FAM120B: variants seen among roughly 807,000 people sequenced by gnomAD.
FAM120B encodes the protein family with sequence similarity 120 member B.
Under a neutral mutation model 96.3 loss-of-function variants are expected in FAM120B, and 83 were observed. The observed-to-expected ratio is 0.86, with a 90% CI of 0.72 to 1.03. FAM120B has a LOEUF of 1.03. Among genes scored for constraint, FAM120B ranks in the 50% least tolerant of loss-of-function variants. The pLI is 0.00. For synonymous variants in FAM120B, 407 were observed against 402.7 expected, an observed-to-expected ratio of 1.01 and a Z score of -0.13; for missense variants, 1,027 against 1,121.2, an observed-to-expected ratio of 0.92 and a Z score of 1.20.
upstream of FAM120B, among the ~76,000 whole-genome samples, chr6:170,302,973 A>T (rs1163308980): frequency 6.6e-6 from 1 of 152,184 alleles, no homozygotes; most frequent in Non-Finnish European, 1.5e-5. Flanking sequence ...AGTCATAACA[A>T]TTTTTTAAAG....
At chr6:170,294,672 G>T (rs1223540961), upstream of FAM120B, among the ~76,000 whole-genome samples, 13 of 152,124 alleles carry the variant, frequency 8.5e-5, no homozygotes, top group East Asian at 3.9e-4. This position sits in a 1 kb window ranked among gnomAD's most constrained non-coding sequence, Gnocchi z 7.9. Context: ...CCAAAGAAAG[G>T]TTCTATTCTC....
intron 1 of FAM120B, among the ~76,000 whole-genome samples, chr6:170,300,752 A>C (rs1784123262): frequency 6.6e-6 from 1 of 152,242 alleles, no homozygotes; most frequent in Non-Finnish European, 1.5e-5. Context: ...ATGCAAGTCC[A>C]AAATCCAATA....
upstream of FAM120B, among the ~76,000 whole-genome samples, chr6:170,304,212 G>A (rs906167668): frequency 6.6e-6 from 1 of 152,208 alleles, no homozygotes; most frequent in Non-Finnish European, 1.5e-5. Flanking sequence ...TGAATTCTAT[G>A]TTAGAATTAT....
In FAM120B at chr6:170,399,251, A is replaced by G. The variant is rs867656718; in HGVS notation, c.2692+3672A>G. On this transcript the variant is annotated intron_variant, in intron 9 of 10. Transcript: ENST00000476287. The stretch of plus-strand genomic sequence containing the variant: ...GTCATAACTCTTAGGAGTGAGTGAG[A>G]AAGGTAGAACTATGTCATAACTCTT... Among the ~76,000 whole-genome samples, 1,078 of 143,070 alleles carry G rather than the reference A, an allele frequency of 7.5e-3. 25 individuals are homozygous for G. The highest frequency in any genetic ancestry group is 0.028 in the African/African-American group (1,030 of 36,210). The allele number at this position is 143,070 out of a possible 152,430, so 93.9% of individuals were successfully genotyped here.
chr6:170,304,617 C>T (rs1032257641), upstream of FAM120B, among the ~76,000 whole-genome samples: 1 of 152,156 alleles, frequency 6.6e-6, no homozygotes, highest in African/African-American at 2.4e-5. Flanking sequence ...TGAGCAGTCA[C>T]CTGGTGGGGC....
chr6:170,361,208 A>ACGTG (rs1216103352), intron 6 of FAM120B, among the ~76,000 whole-genome samples: 79 of 79,152 alleles, frequency 1.0e-3, no homozygotes, highest in Non-Finnish European at 1.8e-3. Flanking sequence ...GTATATATAT[A>ACGTG]TATATATATA....
At chr6:170,381,295 G>A (rs557609606) in intron 6 of FAM120B, among the ~76,000 whole-genome samples, 23 of 152,262 alleles carry the variant, frequency 1.5e-4, no homozygotes, top group African/African-American at 4.8e-4. Context: ...AGATGTAGGG[G>A]CCAAATCTCA....
Position 170,321,828 on chromosome 6 carries a change from G to A in FAM120B, c.1735-1251G>A, listed in dbSNP as rs372228878. 2.9e-4 allele frequency among the ~76,000 whole-genome samples: 44 copies of A among 152,296 alleles called. No homozygotes were observed. In the East Asian group the frequency reaches 8.3e-3, roughly 29 times the overall value. On this transcript the variant is annotated intron_variant, in intron 2 of 10. Coordinates refer to ENST00000476287, the MANE Select transcript of FAM120B (RefSeq NM_032448.3). Reference sequence around the variant, plus strand: ...TCAACCCATTTTCTATAGGAAGAAGGTAAGGAACAGAGAGATTAAGACTGA... The same window carrying A: ...TCAACCCATTTTCTATAGGAAGAAGATAAGGAACAGAGAGATTAAGACTGA...
intron 6 of FAM120B, among the ~76,000 whole-genome samples, chr6:170,381,219 T>C (rs1293969196): frequency 6.6e-6 from 1 of 152,160 alleles, no homozygotes; most frequent in Non-Finnish European, 1.5e-5. Flanking sequence ...GGGATATTAC[T>C]ATAGACCCTT....
chr6:170,344,592 C>CT (rs1466634597), intron 4 of FAM120B, among the ~76,000 whole-genome samples: 4 of 152,354 alleles, frequency 2.6e-5, no homozygotes, highest in Admixed American at 2.6e-4. Flanking sequence ...CCTGAGCAGC[C>CT]CCACCTTGGA....
rs77087564 is a variant in FAM120B, at chr6:170,295,998, G to A, written c.48+545G>A. ...CCCCCGCCCCCTCCTCTGCGCCGCG[G>A]CTCCTTCCCCTGGAACCCGCGGATC... On this transcript the variant is annotated intron_variant, in intron 1 of 10. Transcript: ENST00000537664. The surrounding 1 kb of genome is among the most constrained non-coding windows in gnomAD (Gnocchi z 7.8). Among the ~76,000 whole-genome samples the A allele has an allele frequency of 0.11, 17,021 of 152,118 alleles. 1,278 individuals carry two copies. Among genetic ancestry groups the A allele is most frequent in the East Asian group, 0.31 (1,574 of 5,076 alleles).
upstream of FAM120B, among the ~76,000 whole-genome samples, chr6:170,303,392 A>G (rs1784183603): frequency 6.6e-6 from 1 of 152,120 alleles, no homozygotes; most frequent in Admixed American, 6.6e-5. Context: ...GGTGCATGCC[A>G]CCATGCCTGG....
intron 4 of FAM120B, among the ~76,000 whole-genome samples, chr6:170,343,417 TATCTC>T (rs1419803060): frequency 1.3e-5 from 2 of 152,102 alleles, no homozygotes; most frequent in Non-Finnish European, 2.9e-5. Context: ...GGAGGTATCT[TATCTC>T]CTAAATTAGT....
At chr6:170,333,236 G>C (rs1212028731) in intron 4 of FAM120B, among the ~76,000 whole-genome samples, 6 of 142,082 alleles carry the variant, frequency 4.2e-5, no homozygotes, top group African/African-American at 1.3e-4. Flanking sequence ...TGGGGCCTTT[G>C]GGAGGGAAAG....
chr6:170,394,882 G>A (rs922347115), intron 8 of FAM120B, among the ~76,000 whole-genome samples: 6 of 152,264 alleles, frequency 3.9e-5, no homozygotes, highest in African/African-American at 7.2e-5. Flanking sequence ...CACCTGTGGA[G>A]CAGGGACAGT....
At chr6:170,332,255 AATG>A (rs1382777941) in intron 4 of FAM120B, among the ~76,000 whole-genome samples, 1 of 152,246 alleles carries the variant, frequency 6.6e-6, no homozygotes, top group East Asian at 1.9e-4. Flanking sequence ...TATCATCAAT[AATG>A]ATGATAATTC....
chr6:170,380,069 A>G (rs1054078948), intron 6 of FAM120B, among the ~76,000 whole-genome samples: 1 of 152,228 alleles, frequency 6.6e-6, no homozygotes, highest in Non-Finnish European at 1.5e-5. Context: ...GGCGTTTTCA[A>G]GATTCCACAT....
chr6:170,357,160 G>A (rs776956744), intron 5 of FAM120B, among the ~76,000 whole-genome samples: 12 of 152,048 alleles, frequency 7.9e-5, no homozygotes, highest in Admixed American at 1.3e-4. Flanking sequence ...TTCTTTTTCC[G>A]CGAGCCTTTA....
chr6:170,323,162 C>A lies in FAM120B; in HGVS notation c.1818C>A (p.Thr606=), dbSNP rs752163725. Residue 606 remains threonine, a synonymous_variant, in exon 3 of 11, where the codon ACC becomes ACA. Coordinates refer to ENST00000476287, the MANE Select transcript of FAM120B (RefSeq NM_032448.3). ...GTGGAGAGATTGAATGCAGCAACACCCTAGAAGATGAGCTTGACCAGGCCT... is the reference window on the plus strand; with the variant it reads ...GTGGAGAGATTGAATGCAGCAACACACTAGAAGATGAGCTTGACCAGGCCT... ...MSSGEIECSN[T]LEDELDQALP... 8.7e-6 allele frequency: 14 copies of A among 1,613,928 alleles called. No individual in the cohort carries two copies. In the Admixed American group the frequency reaches 1.8e-4, roughly 21 times the overall value.
Sources: gnomAD v4.1 joint callset for allele counts (sites outside exome capture counted in the v4.1 genomes callset) on GRCh38, gnomAD v4.1.1 for gene constraint, Gnocchi (gnomAD v3.1) non-coding constraint, MANE v1.5 for transcripts, NCBI Gene and HGNC (gene_info 2026-07-23, HGNC 2026-07-21) for gene names.